The following LAMA2 variants were observed in gnomAD, a reference collection of about 807,000 sequenced individuals.
LAMA2 encodes the protein laminin subunit alpha 2, also known as laminin subunit alpha-2.
LAMA2 carries 269 observed loss-of-function variants against 364.8 expected under a neutral mutation model. That is an observed-to-expected ratio of 0.74 (90% confidence interval 0.67 to 0.82). The LOEUF is 0.82. Among genes scored for constraint, LAMA2 ranks in the 40% least tolerant of loss-of-function variants. The pLI, the probability that LAMA2 is intolerant of heterozygous loss-of-function variation, is 0.00. For synonymous variants in LAMA2, 1,379 were observed against 1,370.6 expected, an observed-to-expected ratio of 1.01 and a Z score of -0.14; for missense variants, 3,807 against 3,873.2, an observed-to-expected ratio of 0.98 and a Z score of 0.45.
intron 14 of LAMA2, among the ~76,000 whole-genome samples, chr6:129,255,108 G>T (rs1163807418): frequency 6.6e-6 from 1 of 151,654 alleles, no homozygotes. Flanking sequence ...GCAATCAGAA[G>T]ATTAAAAAAC....
At chr6:129,349,896 A>T (rs1193857101) in intron 31 of LAMA2, among the ~76,000 whole-genome samples, 1 of 152,166 alleles carries the variant, frequency 6.6e-6, no homozygotes, top group Non-Finnish European at 1.5e-5. Flanking sequence ...AGTATTTGTT[A>T]TTCAGTTTTC....
At chr6:129,226,692 G>A (rs557326519) in intron 12 of LAMA2, among the ~76,000 whole-genome samples, 16 of 152,108 alleles carry the variant, frequency 1.1e-4, no homozygotes, top group African/African-American at 2.4e-4. Flanking sequence ...AGTTTCTGCC[G>A]AGCGATCTGC....
At chr6:128,992,382 TCTCAAGACTATCC>T (rs370137946) in intron 1 of LAMA2, among the ~76,000 whole-genome samples, 21 of 152,344 alleles carry the variant, frequency 1.4e-4, no homozygotes, top group African/African-American at 5.1e-4. Flanking sequence ...AAATTTGTGA[TCTCAAGACTATCC>T]CTCAAGAATG....
intron 28 of LAMA2, among the ~76,000 whole-genome samples, chr6:129,322,972 C>T (rs1406019407): frequency 6.6e-6 from 1 of 152,150 alleles, no homozygotes; most frequent in Admixed American, 6.5e-5. Context: ...AAATTGTCAT[C>T]TGCATTAGTG....
At chr6:129,477,473 T>G (rs1784124251) in intron 53 of LAMA2, among the ~76,000 whole-genome samples, 1 of 152,190 alleles carries the variant, frequency 6.6e-6, no homozygotes, top group Non-Finnish European at 1.5e-5. Flanking sequence ...ATGTAGGTAC[T>G]ATGATTATTA....
At chr6:129,453,188 A>G (rs1782776303) in intron 46 of LAMA2, 57 bp downstream of exon 46, 1 of 1,496,424 alleles carries the variant, frequency 6.7e-7, no homozygotes, top group African/African-American at 1.4e-5. Context: ...CTAGAGGTTA[A>G]TCTGAAAATG....
At chr6:129,156,865 C>T (rs1414348151) in intron 8 of LAMA2, among the ~76,000 whole-genome samples, 28 of 152,090 alleles carry the variant, frequency 1.8e-4, no homozygotes, top group South Asian at 2.1e-4. Context: ...ATGAGATTGG[C>T]GAATCTTGGT....
chr6:129,118,240 T>A (rs573150715), intron 4 of LAMA2, among the ~76,000 whole-genome samples: 1 of 152,226 alleles, frequency 6.6e-6, no homozygotes, highest in Admixed American at 6.5e-5. Flanking sequence ...CAGAGGTGAT[T>A]GTGTCTAATA....
intron 29 of LAMA2, among the ~76,000 whole-genome samples, chr6:129,337,357 T>A (rs1776010244): frequency 6.6e-6 from 1 of 152,202 alleles, no homozygotes; most frequent in Non-Finnish European, 1.5e-5. Flanking sequence ...GTAAGATTGC[T>A]AAATGTTTAG....
chr6:129,102,972 A>T (rs1031282005), intron 4 of LAMA2, among the ~76,000 whole-genome samples: 8 of 152,174 alleles, frequency 5.3e-5, no homozygotes, highest in African/African-American at 1.9e-4. Flanking sequence ...CGAAAGTCCC[A>T]CCCATGCAGT....
chr6:129,281,334 G>C (rs1452030469), intron 18 of LAMA2, among the ~76,000 whole-genome samples: 1 of 152,168 alleles, frequency 6.6e-6, no homozygotes, highest in East Asian at 1.9e-4. Flanking sequence ...TTCACTACAG[G>C]CAACCTTTTT....
intron 34 of LAMA2, among the ~76,000 whole-genome samples, chr6:129,381,373 C>T (rs548937508): frequency 1.6e-4 from 25 of 151,716 alleles, no homozygotes; most frequent in Non-Finnish European, 2.5e-4. Flanking sequence ...GACAGAGGCT[C>T]GCTCTGTCGC....
At position 129,302,980 on chromosome 6, in the gene LAMA2, A is replaced by G. The variant is rs887941273; in HGVS notation, c.3174+2108A>G. The stretch of plus-strand genomic sequence containing the variant: ...CATAACTTTTAAATTTAGCATGTCA[A>G]TTCTTTACCAAAAAGCCTGCTAGGA... On this transcript the variant is annotated intron_variant, in intron 22 of 64. Transcript: ENST00000421865. 1.6e-4 allele frequency among the ~76,000 whole-genome samples: 25 copies of G among 152,080 alleles called. 1 individual carries two copies.
At chr6:129,084,582 T>C (rs1293045036) in intron 3 of LAMA2, among the ~76,000 whole-genome samples, 1 of 152,180 alleles carries the variant, frequency 6.6e-6, no homozygotes, top group Non-Finnish European at 1.5e-5. Flanking sequence ...GTGATGATAT[T>C]TGATAGTGTA....
Position 129,312,862 on chromosome 6 carries a change from CT to C in LAMA2, c.3178del (p.Cys1060ValfsTer15). On this transcript the variant is annotated frameshift_variant and splice_region_variant, in exon 23 of 65. Coordinates refer to ENST00000421865, the MANE Select transcript of LAMA2 (RefSeq NM_000426.4). LOFTEE classifies it high-confidence loss of function. Reference protein sequence around the residue: ...WGHSITTGCKACNCSTVGSLD... With the variant: ...WGHSITTGCKXCNCSTVGSLD... ...TTGCTGTTTTTATCTCCTCTATAGGCTTGTAACTGCAGCACAGTGGGATCCT... is the reference window on the plus strand; with the variant it reads ...TTGCTGTTTTTATCTCCTCTATAGGCTGTAACTGCAGCACAGTGGGATCCT... 1 of 1,609,954 alleles carries C rather than the reference CT, an allele frequency of 6.2e-7. No individual in the cohort carries two copies.
chr6:128,982,000 C>T (rs987654793), intron 1 of LAMA2, among the ~76,000 whole-genome samples: 4 of 152,174 alleles, frequency 2.6e-5, no homozygotes, highest in Non-Finnish European at 4.4e-5. Context: ...ATGAGTCACA[C>T]GCTTTCCAAA....
chr6:128,927,557 C>G (rs944247808), intron 1 of LAMA2, among the ~76,000 whole-genome samples: 1 of 152,148 alleles, frequency 6.6e-6, no homozygotes, highest in African/African-American at 2.4e-5. Context: ...TTAAACTTAA[C>G]AGCTAAACAT....
chr6:129,010,070 T>C (rs1784671136), intron 1 of LAMA2, among the ~76,000 whole-genome samples: 1 of 152,168 alleles, frequency 6.6e-6, no homozygotes, highest in Non-Finnish European at 1.5e-5. Flanking sequence ...GCAGGTTTCT[T>C]TGTCAGGAAC....
chr6:129,503,226 T>C lies in LAMA2; in HGVS notation c.8493T>C (p.Ser2831=). ...GLPYFSYDLG[S]GDTHTMIPTK... Reference sequence around the variant, plus strand: ...CCTACTTCAGCTATGACTTGGGGAGTGGGGACACCCACACCATGATCCCCA... The same window carrying C: ...CCTACTTCAGCTATGACTTGGGGAGCGGGGACACCCACACCATGATCCCCA... Residue 2831 remains serine (S), a synonymous_variant, in exon 60 of 65, where the codon AGT becomes AGC. Coordinates refer to ENST00000421865, the MANE Select transcript of LAMA2 (RefSeq NM_000426.4). 1 of 1,613,810 alleles carries C rather than the reference T, an allele frequency of 6.2e-7. No individual in the cohort carries two copies. The highest frequency in any genetic ancestry group is 2.2e-5 in the East Asian group (1 of 44,854).
Sources: allele counts gnomAD v4.1 joint callset (sites outside exome capture counted in the v4.1 genomes callset), GRCh38; gene constraint gnomAD v4.1.1; transcripts MANE v1.5; gene names NCBI Gene and HGNC (gene_info 2026-07-23, HGNC 2026-07-21).